PIP4K2A: variants seen among roughly 807,000 people sequenced by gnomAD.
The protein encoded by PIP4K2A is phosphatidylinositol 5-phosphate 4-kinase type-2 alpha.
PIP4K2A carries 14 observed loss-of-function variants against 42.9 expected under a neutral mutation model. That is an observed-to-expected ratio of 0.33 (90% CI 0.22 to 0.51). The LOEUF (loss-of-function observed/expected upper bound fraction) is 0.51. Ranked by LOEUF, PIP4K2A falls within the 20% of genes least tolerant of loss-of-function variation. The pLI, the probability that PIP4K2A is intolerant of heterozygous loss-of-function variation, is 0.97. For missense variants in PIP4K2A, 434 were observed against 519.8 expected (o/e 0.83, Z 1.61); for synonymous variants, 192 against 192.2 (o/e 1.00, Z 0.01).
At chr10:22,554,126 G>C (rs1347700082) in intron 6 of PIP4K2A, among the ~76,000 whole-genome samples, 1 of 151,982 alleles carries the variant, frequency 6.6e-6, no homozygotes, top group South Asian at 2.1e-4. Context: ...GGGTGACATA[G>C]TAAGACCCTA....
intron 1 of PIP4K2A, chr10:22,694,511 G>C (rs1839932381): frequency 6.6e-6 from 1 of 152,186 alleles, no homozygotes; most frequent in Admixed American, 6.5e-5. Flanking sequence ...ATACATAGAA[G>C]AATTGTTTTA....
At chr10:22,573,502 G>C (rs200441361) in intron 4 of PIP4K2A, 45 bp from the exon 5 acceptor site, 1 of 1,553,180 alleles carries the variant, frequency 6.4e-7, no homozygotes, top group African/African-American at 1.4e-5. Context: ...CCAATCAAAA[G>C]ATTGCTTCCT....
intron 1 of PIP4K2A, among the ~76,000 whole-genome samples, chr10:22,637,356 G>T (rs1838688183): frequency 6.6e-6 from 1 of 152,116 alleles, no homozygotes; most frequent in South Asian, 2.1e-4. Flanking sequence ...ATGACAAAAA[G>T]ATTAATAAAC....
intron 4 of PIP4K2A, among the ~76,000 whole-genome samples, chr10:22,590,492 A>G (rs1457915057): frequency 1.3e-5 from 2 of 152,210 alleles, no homozygotes; most frequent in African/African-American, 2.4e-5. Context: ...AGCACTTGAC[A>G]TGCAATTTCC....
At chr10:22,584,536 C>A (rs1837348833) in intron 4 of PIP4K2A, among the ~76,000 whole-genome samples, 1 of 152,124 alleles carries the variant, frequency 6.6e-6, no homozygotes, top group African/African-American at 2.4e-5. Context: ...TGCGGAACTT[C>A]CAGACCCTGG....
intron 4 of PIP4K2A, among the ~76,000 whole-genome samples, chr10:22,579,052 A>C (rs980459382): frequency 2.6e-5 from 4 of 152,220 alleles, no homozygotes; most frequent in African/African-American, 9.7e-5. Flanking sequence ...ACGACAAATG[A>C]AGAACTTTAC....
At chr10:22,583,528 C>CA (rs1837325023) in intron 4 of PIP4K2A, among the ~76,000 whole-genome samples, 1 of 152,160 alleles carries the variant, frequency 6.6e-6, no homozygotes, top group Non-Finnish European at 1.5e-5. Flanking sequence ...CACAGGGGTA[C>CA]ACGGACACTG....
At chr10:22,619,507 G>C (rs1379637518) in intron 1 of PIP4K2A, among the ~76,000 whole-genome samples, 1 of 147,074 alleles carries the variant, frequency 6.8e-6, no homozygotes, top group Non-Finnish European at 1.5e-5. Context: ...CATGATCTTA[G>C]TTCACTGTAA....
intron 1 of PIP4K2A, among the ~76,000 whole-genome samples, chr10:22,688,018 GA>G (rs1355922174): frequency 1.3e-5 from 2 of 151,986 alleles, no homozygotes; most frequent in African/African-American, 4.8e-5. Flanking sequence ...ATTAATTTTA[GA>G]AAAAGAAATA....
At chr10:22,593,004 A>G (rs890497085) in intron 3 of PIP4K2A, among the ~76,000 whole-genome samples, 1 of 152,244 alleles carries the variant, frequency 6.6e-6, no homozygotes, top group Admixed American at 6.5e-5. Context: ...TGAATTTGCA[A>G]AAGAAAGAGT....
chr10:22,669,807 T>C (rs1197634279), intron 1 of PIP4K2A, among the ~76,000 whole-genome samples: 1 of 152,194 alleles, frequency 6.6e-6, no homozygotes, highest in Non-Finnish European at 1.5e-5. Flanking sequence ...ATGAATGTCT[T>C]TCTGATTTCT....
At chr10:22,543,967 A>G (rs1468813373) in intron 7 of PIP4K2A, among the ~76,000 whole-genome samples, 3 of 152,150 alleles carry the variant, frequency 2.0e-5, no homozygotes, top group African/African-American at 7.2e-5. Flanking sequence ...GAGTGCAAGG[A>G]TTCAGATCCA....
intron 7 of PIP4K2A, among the ~76,000 whole-genome samples, chr10:22,542,312 T>TGGCTGGATTTTACCAGATAGCGA (rs6143823): frequency 6.6e-6 from 1 of 151,634 alleles, no homozygotes. Flanking sequence ...TATCACAGGG[T>TGGCTGGATTTTACCAGATAGCGA]GGCTGGATTT....
At chr10:22,673,266 T>G (rs1839490192) in intron 1 of PIP4K2A, among the ~76,000 whole-genome samples, 1 of 152,262 alleles carries the variant, frequency 6.6e-6, no homozygotes, top group African/African-American at 2.4e-5. Flanking sequence ...TGTCTTATAA[T>G]TATGCTTATC....
chr10:22,657,031 C>A (rs546485775), intron 1 of PIP4K2A, among the ~76,000 whole-genome samples: 2 of 152,318 alleles, frequency 1.3e-5, no homozygotes, highest in East Asian at 3.9e-4. Context: ...CAGTTCCCAA[C>A]GGGGCCAAGA....
intron 1 of PIP4K2A, among the ~76,000 whole-genome samples, chr10:22,681,067 A>T (rs1380273461): frequency 6.6e-6 from 1 of 152,128 alleles, no homozygotes; most frequent in Non-Finnish European, 1.5e-5. Flanking sequence ...TATACTCCCC[A>T]TGTATCCTCC....
At chr10:22,701,708 G>A (rs373523223) in intron 1 of PIP4K2A, among the ~76,000 whole-genome samples, 2 of 152,180 alleles carry the variant, frequency 1.3e-5, no homozygotes, top group African/African-American at 2.4e-5. Flanking sequence ...ATAAGTAAGC[G>A]TCCTGAATAA....
intron 1 of PIP4K2A, among the ~76,000 whole-genome samples, chr10:22,628,387 TCAAAAATCAC>T (rs1237187376): frequency 1.3e-5 from 2 of 152,180 alleles, no homozygotes; most frequent in Non-Finnish European, 2.9e-5. Flanking sequence ...AGAAAAAGTC[TCAAAAATCAC>T]AGAAAAAATT....
At chr10:22,664,200 T>TAC (rs1554807330) in intron 1 of PIP4K2A, among the ~76,000 whole-genome samples, 6 of 66,618 alleles carry the variant, frequency 9.0e-5, no homozygotes, top group Non-Finnish European at 1.4e-4. Flanking sequence ...TACATATATA[T>TAC]ATACATATAT....
Sources: allele counts gnomAD v4.1 joint callset (sites outside exome capture counted in the v4.1 genomes callset), GRCh38; gene constraint gnomAD v4.1.1; transcripts MANE v1.5; gene names NCBI Gene and HGNC (gene_info 2026-07-23, HGNC 2026-07-21).